CSMD1: variants seen among roughly 807,000 people sequenced by gnomAD.
CSMD1 encodes CUB and sushi domain-containing protein 1.
Under a neutral mutation model 417.5 loss-of-function variants are expected in CSMD1, and 213 were observed. That is an observed-to-expected ratio of 0.51 (90% CI 0.46 to 0.57). CSMD1 has a LOEUF of 0.57. Among genes scored for constraint, CSMD1 ranks in the 20% least tolerant of loss-of-function variants. The pLI, the probability that CSMD1 is intolerant of heterozygous loss-of-function variation, is 0.00. For missense variants in CSMD1, 6,923 were observed against 4,529.7 expected (o/e 1.53, Z -15.17); for synonymous variants, 2,862 against 1,736.8 (o/e 1.65, Z -16.11).
intron 10 of CSMD1, among the ~76,000 whole-genome samples, chr8:3,504,707 C>G (rs991425582): frequency 6.6e-6 from 1 of 152,176 alleles, no homozygotes; most frequent in Non-Finnish European, 1.5e-5. Flanking sequence ...ATTTTATCAC[C>G]TGCACCCTTC....
intron 3 of CSMD1, among the ~76,000 whole-genome samples, chr8:4,415,341 C>A (rs1348354943): frequency 6.6e-6 from 1 of 152,114 alleles, no homozygotes; most frequent in East Asian, 1.9e-4. Flanking sequence ...TGCAGGGATT[C>A]CTCCTTACTC....
intron 5 of CSMD1, among the ~76,000 whole-genome samples, chr8:3,884,795 C>T (rs1481721651): frequency 2.0e-5 from 3 of 151,804 alleles, no homozygotes; most frequent in Admixed American, 6.6e-5. Context: ...TATTGTGTAC[C>T]TTTTGGTACG....
intron 26 of CSMD1, among the ~76,000 whole-genome samples, chr8:3,269,967 A>C (rs555504848): frequency 2.0e-5 from 3 of 151,822 alleles, no homozygotes; most frequent in Non-Finnish European, 4.4e-5. Context: ...TTAGGTCACA[A>C]CCCTACTCCA....
chr8:4,046,615 T>C (rs1241707775), intron 3 of CSMD1, among the ~76,000 whole-genome samples: 2 of 120,592 alleles, frequency 1.7e-5, no homozygotes, highest in African/African-American at 5.1e-5. Context: ...TTGTTGAGTC[T>C]TGATAATTCC....
At chr8:4,774,587 G>C (rs908549826) in intron 1 of CSMD1, among the ~76,000 whole-genome samples, 2 of 152,172 alleles carry the variant, frequency 1.3e-5, no homozygotes, top group African/African-American at 2.4e-5. Flanking sequence ...CCAAAAGTAA[G>C]TTTGGGAGTT....
intron 1 of CSMD1, among the ~76,000 whole-genome samples, chr8:4,784,608 CT>C (rs1797307854): frequency 6.6e-6 from 1 of 152,058 alleles, no homozygotes; most frequent in Non-Finnish European, 1.5e-5. Context: ...TGTTAAATTT[CT>C]TTTTTCACCG....
At chr8:4,346,536 A>C (rs1397788813) in intron 3 of CSMD1, among the ~76,000 whole-genome samples, 2 of 152,162 alleles carry the variant, frequency 1.3e-5, no homozygotes, top group Non-Finnish European at 2.9e-5. Flanking sequence ...CCAGTTACAG[A>C]AAACTTTCAG....
intron 7 of CSMD1, among the ~76,000 whole-genome samples, chr8:3,686,134 T>A (rs568712568): frequency 6.6e-6 from 1 of 151,868 alleles, no homozygotes; most frequent in African/African-American, 2.4e-5. Flanking sequence ...AAAAAAACTG[T>A]CTATGGGACT....
chr8:3,408,928 C>T (rs1307821453), intron 13 of CSMD1, among the ~76,000 whole-genome samples: 1 of 152,002 alleles, frequency 6.6e-6, no homozygotes, highest in Non-Finnish European at 1.5e-5. Context: ...TAAAAAAAAC[C>T]TCTCCTTTAA....
rs187678416 is a variant in CSMD1, at chr8:4,852,204, G to A, written c.85+142128C>T. ...CTATAACAGTAAACATACTTATATG[G>A]TTTGGATATTTGTTGCCTCCAAATC... On this transcript the variant is annotated intron_variant, in intron 1 of 69. Coordinates refer to ENST00000635120, the MANE Select transcript of CSMD1 (RefSeq NM_033225.6). Among the ~76,000 whole-genome samples the A allele has an allele frequency of 1.8e-3, 269 of 152,222 alleles. 2 individuals are homozygous for A. The highest frequency in any genetic ancestry group is 4.9e-4 in the Non-Finnish European group (33 of 68,024).
intron 23 of CSMD1, among the ~76,000 whole-genome samples, chr8:3,319,832 G>T (rs567925445): frequency 6.6e-6 from 1 of 152,060 alleles, no homozygotes; most frequent in East Asian, 1.9e-4. Flanking sequence ...AATTTTCATT[G>T]TCTAAATCTC....
At chr8:2,984,875 G>A (rs867735471) in intron 54 of CSMD1, among the ~76,000 whole-genome samples, 8 of 152,198 alleles carry the variant, frequency 5.3e-5, no homozygotes, top group African/African-American at 1.2e-4. Flanking sequence ...ATTTATGCAC[G>A]TATTTAATCC....
chr8:3,427,585 A>G (rs1467440668), intron 12 of CSMD1, among the ~76,000 whole-genome samples: 1 of 152,228 alleles, frequency 6.6e-6, no homozygotes, highest in Non-Finnish European at 1.5e-5. Flanking sequence ...TCTATGAGAT[A>G]TGAAACAATC....
intron 39 of CSMD1, among the ~76,000 whole-genome samples, chr8:3,154,927 A>AAT (rs1819425286): frequency 3.9e-5 from 6 of 152,140 alleles, no homozygotes; most frequent in African/African-American, 1.4e-4. Context: ...GCTAACAGCT[A>AAT]CAAAAAACCT....
chr8:4,610,302 A>G (rs1311601444), intron 2 of CSMD1, among the ~76,000 whole-genome samples: 1 of 152,236 alleles, frequency 6.6e-6, no homozygotes, highest in Non-Finnish European at 1.5e-5. Flanking sequence ...ATTGAGCAAT[A>G]TCCCTCTAGT....
rs771823696 is a variant in CSMD1, at chr8:3,181,132, A to T, written c.5703T>A (p.Ala1901=). The T allele has an allele frequency of 1.1e-5, 17 of 1,613,690 alleles. No individual in the cohort carries two copies. The Admixed American group carries it at 2.8e-4, about 27-fold the overall frequency. Residue 1901 remains alanine (A), a synonymous_variant, in exon 37 of 70, where the codon GCT becomes GCA. Transcript: ENST00000635120. Reference sequence around the variant, plus strand: ...TACTTTTGTATTCCAGGTGGAAACCAGCAGCTGCCACACTAATGTCAGACT... The same window carrying T: ...TACTTTTGTATTCCAGGTGGAAACCTGCAGCTGCCACACTAATGTCAGACT... ...HFQSDISVAA[A]GFHLEYKTVG... is the part of the protein sequence containing the mutation.
intron 1 of CSMD1, among the ~76,000 whole-genome samples, chr8:4,978,103 T>G (rs1243140801): frequency 6.6e-6 from 1 of 152,154 alleles, no homozygotes; most frequent in Non-Finnish European, 1.5e-5. Context: ...GCCACGTGAG[T>G]TCTGGGTAGC....
intron 17 of CSMD1, among the ~76,000 whole-genome samples, chr8:3,389,142 G>A (rs1416570081): frequency 6.6e-6 from 1 of 152,046 alleles, no homozygotes; most frequent in Non-Finnish European, 1.5e-5. Context: ...TAAGTTCAGG[G>A]GTACATGTGC....
At chr8:4,268,673 A>G (rs1465319833) in intron 3 of CSMD1, among the ~76,000 whole-genome samples, 2 of 152,172 alleles carry the variant, frequency 1.3e-5, no homozygotes, top group African/African-American at 4.8e-5. Flanking sequence ...TACATACAAA[A>G]TAAGGAAGAT....
Sources: allele counts gnomAD v4.1 joint callset (sites outside exome capture counted in the v4.1 genomes callset), GRCh38; gene constraint gnomAD v4.1.1; transcripts MANE v1.5; gene names NCBI Gene and HGNC (gene_info 2026-07-23, HGNC 2026-07-21).